TUBGCP5: variants seen among roughly 807,000 people sequenced by gnomAD.
TUBGCP5 encodes the protein tubulin gamma complex component 5.
In TUBGCP5, 98 loss-of-function variants were observed where a neutral mutation model predicts 134.7. The observed-to-expected ratio is 0.73, with a 90% CI of 0.62 to 0.86. The LOEUF (loss-of-function observed/expected upper bound fraction) is 0.86, where lower values mean the gene tolerates loss of function less well. TUBGCP5 is among the 40% of genes least tolerant of loss of function. The pLI, the probability that TUBGCP5 is intolerant of heterozygous loss-of-function variation, is 0.00. For missense variants in TUBGCP5, 1,150 were observed against 1,244.8 expected (o/e 0.92, Z 1.15); for synonymous variants, 456 against 431.4 (o/e 1.06, Z -0.71).
intron 9 of TUBGCP5, 89 bp from the exon 10 acceptor site, chr15:23,024,282 G>A: frequency 6.8e-7 from 1 of 1,473,190 alleles, no homozygotes; most frequent in Non-Finnish European, 9.2e-7. Flanking sequence ...TACTTCTTTT[G>A]CAATTGTTTT....
chr15:23,038,615 GA>G (rs1219471215), intron 1 of TUBGCP5, among the ~76,000 whole-genome samples: 1 of 152,068 alleles, frequency 6.6e-6, no homozygotes, highest in African/African-American at 2.4e-5. Context: ...TACGGATTTT[GA>G]AAAACTGTTC....
At position 23,024,987 on chromosome 15, in the gene TUBGCP5, A is replaced by C. The variant is rs185960029; in HGVS notation, c.828-157T>G. ...CATGATCACAGCTCACTGGAGCCAC[A>C]ACCTCCTGGGTTCAAGTGATTCTGC... On this transcript the variant is annotated intron_variant, in intron 8 of 22. Transcript: ENST00000615383. Among the ~76,000 whole-genome samples, 6 of 151,816 alleles carry C rather than the reference A, an allele frequency of 4.0e-5. No individual in the cohort carries two copies. The East Asian group carries it at 1.2e-3, about 29-fold the overall frequency.
At chr15:23,032,920 AT>A in intron 3 of TUBGCP5, 96 bp from the exon 4 acceptor site, 4 of 872,262 alleles carry the variant, frequency 4.6e-6, no homozygotes, top group Admixed American at 2.9e-5. Context: ...TATGTCCCCA[AT>A]TTTTTTCCTG....
chr15:23,013,241 A>G lies in TUBGCP5; in HGVS notation c.1757-1910T>C, dbSNP rs974828143. ...GCCGAGGCGGGCGGATCATGAGGTC[A>G]GGGGATCGAGACCATACTGGCTAGT... is the stretch of plus-strand genomic sequence containing the variant. On this transcript the variant is annotated intron_variant, in intron 13 of 22. Transcript: ENST00000615383. This position sits in a 1 kb window ranked among gnomAD's most constrained non-coding sequence, Gnocchi z 4.5. Among the ~76,000 whole-genome samples, 10 of 152,126 alleles carry G rather than the reference A, an allele frequency of 6.6e-5. No homozygotes were observed. Among genetic ancestry groups the G allele is most frequent in the Admixed American group, 4.6e-4 (7 of 15,272 alleles).
At chr15:23,014,325 C>T (rs1235913950) in intron 13 of TUBGCP5, among the ~76,000 whole-genome samples, 2 of 152,304 alleles carry the variant, frequency 1.3e-5, no homozygotes, top group Non-Finnish European at 1.5e-5. Flanking sequence ...GCTTCTTGAG[C>T]GGCCTTGCAC....
chr15:23,010,838 G>T (rs758256779), intron 14 of TUBGCP5, among the ~76,000 whole-genome samples: 1 of 151,982 alleles, frequency 6.6e-6, no homozygotes, highest in Non-Finnish European at 1.5e-5. Flanking sequence ...AATTAGCGGG[G>T]CATGGTGGCA....
chr15:22,988,060 C>A (rs1009909446), intron 23 of TUBGCP5, among the ~76,000 whole-genome samples: 6 of 151,806 alleles, frequency 4.0e-5, no homozygotes, highest in African/African-American at 1.2e-4. Flanking sequence ...GCTTCCAGAA[C>A]TATGAGTAAT....
intron 3 of TUBGCP5, among the ~76,000 whole-genome samples, chr15:23,035,216 C>T (rs2066516537): frequency 6.6e-6 from 1 of 151,108 alleles, no homozygotes; most frequent in African/African-American, 2.4e-5. Context: ...GTAATCCCAG[C>T]TACTCGGGAG....
chr15:23,038,039 C>A (rs1016747345), intron 1 of TUBGCP5, among the ~76,000 whole-genome samples: 1 of 152,220 alleles, frequency 6.6e-6, no homozygotes, highest in Non-Finnish European at 1.5e-5. Flanking sequence ...GCTGGGATTA[C>A]AGGCGTGAGC....
chr15:22,996,482 A>G (rs1248949989), downstream of TUBGCP5, among the ~76,000 whole-genome samples: 11 of 151,932 alleles, frequency 7.2e-5, no homozygotes, highest in Non-Finnish European at 1.5e-5. Flanking sequence ...CATCTTTTTA[A>G]TTTTTATTTT....
Position 23,022,035 on chromosome 15 carries a change from C to T in TUBGCP5, c.1295G>A (p.Arg432Gln), listed in dbSNP as rs754864981. Reference protein sequence around the residue: ...EVPPDTRNVVRASHLLNTLYK... With the variant: ...EVPPDTRNVVQASHLLNTLYK... The stretch of plus-strand genomic sequence containing the variant: ...CAGGGTGTTAAGCAGGTGAGAGGCC[C>T]GGACGACATTTCGAGTATCAGGTGG... The change falls in exon 11 of 23, where the codon CGG (arginine) becomes CAG (glutamine). Residue 432 changes from arginine to glutamine, a missense_variant. This residue lies in a region of TUBGCP5 where 697 missense variants were observed against 850.1 expected (regional missense o/e 0.82). Coordinates refer to ENST00000615383, the MANE Select transcript of TUBGCP5 (RefSeq NM_052903.6). 22 of 1,613,962 alleles carry T rather than the reference C, an allele frequency of 1.4e-5. 1 individual carries two copies. The highest frequency in any genetic ancestry group is 1.3e-4 in the Admixed American group (8 of 59,986).
downstream of TUBGCP5, among the ~76,000 whole-genome samples, chr15:22,995,389 G>A (rs984055747): frequency 4.0e-5 from 6 of 151,812 alleles, no homozygotes; most frequent in Non-Finnish European, 7.4e-5. Context: ...ACTGGTGTCC[G>A]GCTCCACCTT....
At chr15:23,036,543 AT>A (rs1228302762) in intron 3 of TUBGCP5, among the ~76,000 whole-genome samples, 1 of 152,124 alleles carries the variant, frequency 6.6e-6, no homozygotes, top group Non-Finnish European at 1.5e-5. Flanking sequence ...CCCCCAAACA[AT>A]ATGAAAGTAT....
chr15:23,009,557 C>T (rs1167385597), intron 15 of TUBGCP5, among the ~76,000 whole-genome samples: 5 of 152,088 alleles, frequency 3.3e-5, no homozygotes, highest in Non-Finnish European at 7.4e-5. Flanking sequence ...TGTGAGCCAC[C>T]GTGCTCGGCC....
intron 9 of TUBGCP5, 93 bp from the exon 10 acceptor site, chr15:23,024,286 T>C: frequency 2.7e-6 from 4 of 1,464,664 alleles, no homozygotes; most frequent in Non-Finnish European, 3.7e-6. Context: ...TCTTTTGCAA[T>C]TGTTTTAAAC....
intron 6 of TUBGCP5, among the ~76,000 whole-genome samples, chr15:23,028,210 C>T (rs2066092440): frequency 6.6e-6 from 1 of 151,616 alleles, no homozygotes; most frequent in Admixed American, 6.6e-5. Context: ...GAGACCTCAT[C>T]TCTACAAAAA....
At position 23,011,168 on chromosome 15, in the gene TUBGCP5, A is replaced by G; in HGVS notation, c.1920T>C (p.Asp640=). ...TAATGGCAAGCAGTGGATCATGAACATCATCCAGTTCAAGATGGCTTTCAG... is the reference window on the plus strand; with the variant it reads ...TAATGGCAAGCAGTGGATCATGAACGTCATCCAGTTCAAGATGGCTTTCAG... ...SIAESHLELD[D]VHDPLLAINF... is the part of the protein sequence containing the mutation. Residue 640 remains aspartate, a synonymous_variant, in exon 14 of 23, where the codon GAT becomes GAC. Coordinates refer to ENST00000615383, the MANE Select transcript of TUBGCP5 (RefSeq NM_052903.6). 1 of 1,614,050 alleles carries G rather than the reference A, an allele frequency of 6.2e-7. No homozygotes were observed. The highest frequency in any genetic ancestry group is 8.5e-7 in the Non-Finnish European group (1 of 1,180,000).
chr15:23,006,240 G>A lies in TUBGCP5; in HGVS notation c.2412+28C>T, dbSNP rs553792120. 5.4e-5 allele frequency: 87 copies of A among 1,607,554 alleles called. No individual in the cohort carries two copies. In the African/African-American group the frequency reaches 6.6e-4, roughly 12 times the overall value. On this transcript the variant is annotated intron_variant, in intron 17 of 22. Coordinates refer to ENST00000615383, the MANE Select transcript of TUBGCP5 (RefSeq NM_052903.6). ...ATGTTTTAATGTTAGCAGAAAACAC[G>A]GTTCATACAAGGAATATCAGCATAT...
chr15:23,033,386 C>T (rs913190480), intron 3 of TUBGCP5, among the ~76,000 whole-genome samples: 4 of 152,058 alleles, frequency 2.6e-5, no homozygotes, highest in African/African-American at 9.7e-5. Context: ...TCAAGTGATT[C>T]TCCTGTCTCA....
Sources: allele counts gnomAD v4.1 joint callset (sites outside exome capture counted in the v4.1 genomes callset), GRCh38; gene constraint gnomAD v4.1.1; regional missense constraint gnomAD v4.1.1; non-coding constraint Gnocchi (gnomAD v3.1); transcripts MANE v1.5; gene names NCBI Gene and HGNC (gene_info 2026-07-23, HGNC 2026-07-21).